The following PTPRK variants were observed in gnomAD, a reference collection of about 807,000 sequenced individuals.
PTPRK encodes receptor-type tyrosine-protein phosphatase kappa.
Under a neutral mutation model 178.0 loss-of-function variants are expected in PTPRK, and 75 were observed. That is an observed-to-expected ratio of 0.42 (90% CI 0.35 to 0.51). PTPRK has a LOEUF of 0.51. Ranked by LOEUF, PTPRK falls within the 20% of genes least tolerant of loss-of-function variation. The probability of loss-of-function intolerance (pLI) is 0.02; values close to 1 mark genes in which losing one functional copy is unlikely to be tolerated. For missense variants in PTPRK, 1,441 were observed against 1,797.8 expected (o/e 0.80, Z 3.59); for synonymous variants, 637 against 620.6 (o/e 1.03, Z -0.39).
chr6:128,416,701 G>T (rs573340252), intron 1 of PTPRK, among the ~76,000 whole-genome samples: 4 of 150,898 alleles, frequency 2.7e-5, no homozygotes, highest in Non-Finnish European at 5.9e-5. Flanking sequence ...ATAACAACTG[G>T]CTTTTATTCC....
chr6:127,982,520 C>T lies in PTPRK; in HGVS notation c.3537+311G>A, dbSNP rs368264585. On this transcript the variant is annotated intron_variant, in intron 24 of 29. Transcript: ENST00000368226. ...CGATCTCCTGACCTCGTGATCCACC[C>T]GCCTCGGCCTCCCAAAGTGCTGGGA... 5.3e-5 allele frequency among the ~76,000 whole-genome samples: 8 copies of T among 152,164 alleles called. No individual in the cohort carries two copies. The East Asian group carries it at 9.7e-4, about 18-fold the overall frequency.
chr6:128,063,546 T>C (rs995664479), intron 13 of PTPRK: 2 of 152,208 alleles, frequency 1.3e-5, no homozygotes, highest in Non-Finnish European at 2.9e-5. Context: ...ACAGGTGATA[T>C]AGACCTAAAT....
intron 7 of PTPRK, among the ~76,000 whole-genome samples, chr6:128,167,077 C>A (rs1351879398): frequency 6.6e-6 from 1 of 151,588 alleles, no homozygotes; most frequent in African/African-American, 2.4e-5. Flanking sequence ...CCCTCAAAAT[C>A]AGTCCAATAT....
intron 3 of PTPRK, among the ~76,000 whole-genome samples, chr6:128,278,364 G>T (rs1277077317): frequency 6.6e-6 from 1 of 152,120 alleles, no homozygotes; most frequent in Non-Finnish European, 1.5e-5. Flanking sequence ...CACTCTGTTT[G>T]CCAGACTGGT....
intron 3 of PTPRK, among the ~76,000 whole-genome samples, chr6:128,307,371 T>A (rs1826565428): frequency 6.7e-6 from 1 of 150,214 alleles, no homozygotes. Flanking sequence ...GAAAGGCAAA[T>A]CATAAAATTT....
intron 2 of PTPRK, among the ~76,000 whole-genome samples, chr6:128,350,802 A>T (rs925616261): frequency 6.6e-6 from 1 of 152,174 alleles, no homozygotes; most frequent in Non-Finnish European, 1.5e-5. Flanking sequence ...ATTACCTGTT[A>T]GCTAGTAGAG....
chr6:128,093,736 A>G (rs1370343371), intron 7 of PTPRK, among the ~76,000 whole-genome samples: 2 of 151,918 alleles, frequency 1.3e-5, no homozygotes, highest in Non-Finnish European at 2.9e-5. Context: ...AGATCAAGTC[A>G]TCCATCTATA....
intron 2 of PTPRK, among the ~76,000 whole-genome samples, chr6:128,380,443 T>C (rs1053259920): frequency 6.6e-6 from 1 of 151,860 alleles, no homozygotes; most frequent in Non-Finnish European, 1.5e-5. Flanking sequence ...TTCAATGTTG[T>C]ACTCTATAGA....
At chr6:127,971,536 T>C (rs1380495313) in intron 29 of PTPRK, among the ~76,000 whole-genome samples, 2 of 152,136 alleles carry the variant, frequency 1.3e-5, no homozygotes, top group African/African-American at 4.8e-5. Context: ...TCTCCAGCAA[T>C]ATTGCCTTCA....
intron 1 of PTPRK, among the ~76,000 whole-genome samples, chr6:128,513,205 C>T (rs940205719): frequency 6.6e-6 from 1 of 151,870 alleles, no homozygotes; most frequent in Non-Finnish European, 1.5e-5. Context: ...ACTCCAGGGG[C>T]CGGGCATGGT....
chr6:128,243,507 A>G (rs1474758334), intron 3 of PTPRK, among the ~76,000 whole-genome samples: 1 of 149,774 alleles, frequency 6.7e-6, no homozygotes. Context: ...AAAAAAAAAA[A>G]AAAAAAGAAA....
intron 2 of PTPRK, among the ~76,000 whole-genome samples, chr6:128,346,514 T>C (rs548195139): frequency 1.9e-4 from 29 of 152,288 alleles, no homozygotes; most frequent in African/African-American, 5.8e-4. Flanking sequence ...TTTTATATAT[T>C]ACATGAAATA....
intron 7 of PTPRK, among the ~76,000 whole-genome samples, chr6:128,159,028 T>G (rs1056319017): frequency 6.6e-6 from 1 of 151,858 alleles, no homozygotes; most frequent in African/African-American, 2.4e-5. Context: ...TTGACTATAT[T>G]GAAATTATTT....
At chr6:128,055,061 T>C (rs1258652864) in intron 13 of PTPRK, among the ~76,000 whole-genome samples, 1 of 152,174 alleles carries the variant, frequency 6.6e-6, no homozygotes, top group East Asian at 1.9e-4. Flanking sequence ...GTTAAAAAAA[T>C]CCTATCACAT....
At chr6:128,033,313 G>T (rs1775667123) in intron 13 of PTPRK, among the ~76,000 whole-genome samples, 1 of 152,136 alleles carries the variant, frequency 6.6e-6, no homozygotes, top group Admixed American at 6.5e-5. Context: ...TTGGCAGAAA[G>T]TGAAAGTTAT....
intron 1 of PTPRK, among the ~76,000 whole-genome samples, chr6:128,419,191 G>A (rs1391191028): frequency 6.6e-6 from 1 of 152,160 alleles, no homozygotes; most frequent in African/African-American, 2.4e-5. Flanking sequence ...TTGGGGCATG[G>A]GGCCATTATT....
At chr6:127,986,443 A>T (rs1034683284) in intron 21 of PTPRK, among the ~76,000 whole-genome samples, 4 of 152,324 alleles carry the variant, frequency 2.6e-5, no homozygotes, top group African/African-American at 9.6e-5. Flanking sequence ...TAGCTCTGTG[A>T]AATAATTCAG....
At chr6:128,114,606 GA>G (rs1266046557) in intron 7 of PTPRK, among the ~76,000 whole-genome samples, 1 of 145,014 alleles carries the variant, frequency 6.9e-6, no homozygotes, top group Non-Finnish European at 1.5e-5. Context: ...CTGGGTGACA[GA>G]GTAAGACTCA....
At chr6:128,470,518 T>A (rs752733825) in intron 1 of PTPRK, among the ~76,000 whole-genome samples, 1 of 152,082 alleles carries the variant, frequency 6.6e-6, no homozygotes, top group Admixed American at 6.6e-5. Flanking sequence ...TCTGCTTTAC[T>A]ATAGCACTAC....
Sources: allele counts gnomAD v4.1 joint callset (sites outside exome capture counted in the v4.1 genomes callset), GRCh38; gene constraint gnomAD v4.1.1; transcripts MANE v1.5; gene names NCBI Gene and HGNC (gene_info 2026-07-23, HGNC 2026-07-21).